FAM20A: variants seen among roughly 807,000 people sequenced by gnomAD.
FAM20A encodes FAM20A golgi associated secretory pathway pseudokinase.
In FAM20A, 42 loss-of-function variants were observed where a neutral mutation model predicts 52.0. The ratio of observed to expected loss-of-function variants is 0.81; its 90% CI spans 0.63 to 1.04. FAM20A has a LOEUF of 1.04. FAM20A is among the 50% of genes least tolerant of loss of function. FAM20A has a pLI of 0.00. For missense variants in FAM20A, 742 were observed against 712.7 expected (o/e 1.04, Z -0.47); for synonymous variants, 304 against 298.9 (o/e 1.02, Z -0.18).
intron 1 of FAM20A, among the ~76,000 whole-genome samples, chr17:68,562,581 A>G (rs1341355608): frequency 6.6e-6 from 1 of 151,838 alleles, no homozygotes; most frequent in African/African-American, 2.4e-5. Flanking sequence ...TCATTCCTCC[A>G]TGTGTCTCCC....
intron 1 of FAM20A, among the ~76,000 whole-genome samples, chr17:68,565,763 A>G (rs1241653893): frequency 6.6e-6 from 1 of 151,602 alleles, no homozygotes; most frequent in Non-Finnish European, 1.5e-5. Flanking sequence ...TGGATCCTGG[A>G]ATAGTCTCTT....
intron 4 of FAM20A, among the ~76,000 whole-genome samples, chr17:68,546,885 G>A (rs1170130841): frequency 6.6e-6 from 1 of 151,136 alleles, no homozygotes; most frequent in Non-Finnish European, 1.5e-5. Context: ...TCCTTGATCT[G>A]TGGGCTGCAG....
Position 68,576,522 on chromosome 17 carries a change from G to A in FAM20A, c.405-20779C>T, listed in dbSNP as rs116939699. On this transcript the variant is annotated intron_variant, in intron 1 of 10. Transcript: ENST00000592554. ...CCTCATGCTGCAGCCCTGAGCCCAA[G>A]GCTCCCTTCTGACTGTCCCAGCCTC... is the stretch of plus-strand genomic sequence containing the variant. 3.5e-3 allele frequency among the ~76,000 whole-genome samples: 527 copies of A among 152,282 alleles called. 28 individuals are homozygous for A. The East Asian group carries it at 0.091, about 26-fold the overall frequency.
chr17:68,551,114 C>T (rs1285114903), intron 4 of FAM20A: 1 of 1,234,182 alleles, frequency 8.1e-7, no homozygotes, highest in African/African-American at 1.6e-5. Context: ...AGGAGCATTC[C>T]CCTGGGCTAA....
chr17:68,581,833 C>T (rs1296412706), intron 1 of FAM20A, among the ~76,000 whole-genome samples: 2 of 152,104 alleles, frequency 1.3e-5, no homozygotes, highest in Non-Finnish European at 2.9e-5. Context: ...TTTGGCCTCC[C>T]AAAGTGCTGG....
rs189885794 is a variant in FAM20A, at chr17:68,535,725, T to C, written c.*1752A>G. The C allele has an allele frequency of 2.2e-6, 1 of 451,540 alleles. No homozygotes were observed. Among genetic ancestry groups the C allele is most frequent in the African/African-American group, 2.0e-5 (1 of 49,756 alleles). The allele number at this position is 451,540 out of a possible 1,614,324, so 28.0% of individuals were successfully genotyped here. On this transcript the variant is annotated 3_prime_UTR_variant, in exon 11 of 11. Coordinates refer to ENST00000592554, the MANE Select transcript of FAM20A (RefSeq NM_017565.4). ...CAGGGTTTTGTCATGTTACCCAGGC[T>C]GGTCTCGAGCTCCTGAGACCAAGCG...
At chr17:68,585,253 G>A (rs1278197062) in intron 1 of FAM20A, among the ~76,000 whole-genome samples, 1 of 151,666 alleles carries the variant, frequency 6.6e-6, no homozygotes, top group Non-Finnish European at 1.5e-5. Flanking sequence ...AGAGCCTTTT[G>A]TTCCTACCTC....
chr17:68,575,789 T>TACACACAC (rs1491430631), intron 1 of FAM20A, among the ~76,000 whole-genome samples: 815 of 41,282 alleles, frequency 0.02, 14 homozygotes, highest in African/African-American at 0.072. Flanking sequence ...TATTTTATAT[T>TACACACAC]ATACACACAC....
intron 1 of FAM20A, among the ~76,000 whole-genome samples, chr17:68,596,201 C>CCACACACACA (rs140687859): frequency 2.1e-4 from 32 of 149,526 alleles, no homozygotes; most frequent in East Asian, 5.9e-4. Context: ...ATGTGGGAAA[C>CCACACACACA]CACACACACA....
intron 1 of FAM20A, among the ~76,000 whole-genome samples, chr17:68,560,207 T>C (rs2087171333): frequency 6.6e-6 from 1 of 152,148 alleles, no homozygotes; most frequent in Non-Finnish European, 1.5e-5. Flanking sequence ...GCTGGGGTTA[T>C]GGTGACATGC....
rs541578930 is a variant in FAM20A at position 68,540,918 on chromosome 17, T to G, written c.1150A>C (p.Ile384Leu). Residue 384 changes from isoleucine (I) to leucine (L), a missense_variant, in exon 8 of 11, where the codon ATC becomes CTC. Ile to Leu is a conservative substitution (Grantham distance 5). Coordinates refer to ENST00000592554, the MANE Select transcript of FAM20A (RefSeq NM_017565.4). ...NPLYCDTVKQ[I>L]YPYNNSQRLL... is the part of the protein sequence containing the mutation. ...CGCTGGCTGTTGTTGTACGGGTAGA[T>G]CTGTTTCACTGTGTCACAGTAAAGG... is the stretch of plus-strand genomic sequence containing the variant. 2.1e-5 allele frequency: 34 copies of G among 1,602,516 alleles called. No individual in the cohort carries two copies. In the South Asian group the frequency reaches 3.6e-4, roughly 17 times the overall value.
chr17:68,549,074 CT>C (rs1362319541), intron 4 of FAM20A, among the ~76,000 whole-genome samples: 1 of 152,150 alleles, frequency 6.6e-6, no homozygotes, highest in East Asian at 1.9e-4. Flanking sequence ...ATGTATTAGG[CT>C]GTGAGTTATG....
chr17:68,578,123 C>T (rs1321187749), intron 1 of FAM20A, among the ~76,000 whole-genome samples: 2 of 152,198 alleles, frequency 1.3e-5, no homozygotes, highest in African/African-American at 4.8e-5. Flanking sequence ...AAAGGCAATA[C>T]TCTGAGAGAA....
At chr17:68,546,267 T>G (rs2086561443) in intron 4 of FAM20A, among the ~76,000 whole-genome samples, 1 of 151,616 alleles carries the variant, frequency 6.6e-6, no homozygotes, top group South Asian at 2.1e-4. Flanking sequence ...ACTCCACTTC[T>G]AATTCTAGTT....
intron 1 of FAM20A, among the ~76,000 whole-genome samples, chr17:68,571,993 T>TATATATATATA (rs2087558012): frequency 6.4e-5 from 1 of 15,718 alleles, no homozygotes; most frequent in African/African-American, 5.3e-4. Context: ...CATACATATA[T>TATATATATATA]ATATATATAT....
At chr17:68,574,408 TC>T (rs1241416104) in intron 1 of FAM20A, among the ~76,000 whole-genome samples, 1 of 152,050 alleles carries the variant, frequency 6.6e-6, no homozygotes, top group South Asian at 2.1e-4. Context: ...TGAGACCCAC[TC>T]CCACGATAAC....
In FAM20A at chr17:68,536,171, A is replaced by C. The variant is rs565854816; in HGVS notation, c.*1306T>G. ...TCCAGTCGAGGCTATCTTTGCTCAC[A>C]CTGCAGAAAGCTTGGAGACATTTCT... is the stretch of plus-strand genomic sequence containing the variant. On this transcript the variant is annotated 3_prime_UTR_variant, in exon 11 of 11. Coordinates refer to ENST00000592554, the MANE Select transcript of FAM20A (RefSeq NM_017565.4). The C allele has an allele frequency of 2.2e-6, 1 of 454,014 alleles. No homozygotes were observed. Among genetic ancestry groups the C allele is most frequent in the Non-Finnish European group, 4.4e-6 (1 of 226,794 alleles). The allele number at this position is 454,014 out of a possible 1,614,324, so 28.1% of individuals were successfully genotyped here. A position where few individuals can be genotyped will look rare whatever the true frequency, so the allele number is the denominator to read the frequency against.
chr17:68,538,485 G>T (rs547826551), intron 10 of FAM20A, among the ~76,000 whole-genome samples: 7 of 152,218 alleles, frequency 4.6e-5, no homozygotes, highest in Non-Finnish European at 8.8e-5. Flanking sequence ...AATTAGCTCT[G>T]CATACTGCAG....
intron 2 of FAM20A, 126 bp downstream of exon 2, chr17:68,555,433 G>T: frequency 1.9e-6 from 2 of 1,034,520 alleles, no homozygotes; most frequent in Non-Finnish European, 1.5e-6. Flanking sequence ...CAATGCATAT[G>T]TTCCTCTTCT....
Sources: gnomAD v4.1 joint callset for allele counts (sites outside exome capture counted in the v4.1 genomes callset) on GRCh38, gnomAD v4.1.1 for gene constraint, MANE v1.5 for transcripts, NCBI Gene and HGNC (gene_info 2026-07-23, HGNC 2026-07-21) for gene names.